Variants in TMEM63B observed in about 807,000 individuals in gnomAD.
TMEM63B encodes mechanosensitive cation channel TMEM63B.
In TMEM63B, 23 loss-of-function variants were observed where a neutral mutation model predicts 102.6. That is an observed-to-expected ratio of 0.22 (90% CI 0.16 to 0.32). The LOEUF is 0.32. TMEM63B is among the 10% of genes least tolerant of loss of function. The pLI, the probability that TMEM63B is intolerant of heterozygous loss-of-function variation, is 1.00. For synonymous variants in TMEM63B, 444 were observed against 437.0 expected, an observed-to-expected ratio of 1.02 and a Z score of -0.20; for missense variants, 628 against 1,095.9, an observed-to-expected ratio of 0.57 and a Z score of 6.03.
upstream of TMEM63B, chr6:44,126,989 C>T (rs560922893): frequency 1.3e-5 from 2 of 152,426 alleles, no homozygotes; most frequent in South Asian, 4.1e-4. Flanking sequence ...AGCGGAGAAG[C>T]CGGAGGAGAC....
rs539108667 is a variant in TMEM63B at position 44,135,385 on chromosome 6, C to T, written c.278+19C>T. 2 of 1,605,646 alleles carry T rather than the reference C, an allele frequency of 1.2e-6. No homozygotes were observed. Among genetic ancestry groups the T allele is most frequent in the Middle Eastern group, 1.7e-4 (1 of 6,046 alleles). Reference sequence around the variant, plus strand: ...AGGAATAGTATGTGGGGCACCAGCCCCCTCATTCCCACTAAACCAGCTTTC... The same window carrying T: ...AGGAATAGTATGTGGGGCACCAGCCTCCTCATTCCCACTAAACCAGCTTTC... On this transcript the variant is annotated intron_variant, in intron 4 of 23. Transcript: ENST00000323267.
chr6:44,128,877 G>C (rs1486718051), intron 1 of TMEM63B, among the ~76,000 whole-genome samples: 2 of 152,232 alleles, frequency 1.3e-5, no homozygotes, highest in African/African-American at 4.8e-5. Flanking sequence ...GGGGCCTGCT[G>C]TTGGCTCACT....
chr6:44,151,791 G>A (rs111427660), intron 18 of TMEM63B, 55 bp from the exon 19 acceptor site: 52 of 1,524,628 alleles, frequency 3.4e-5, no homozygotes, highest in East Asian at 4.6e-5. Flanking sequence ...GGCAGTGGGC[G>A]GGCGGCCACC....
rs374220204 is a variant in TMEM63B, at chr6:44,150,200, C to T, written c.1521-24C>T. 1.5e-4 allele frequency: 241 copies of T among 1,606,228 alleles called. No individual in the cohort carries two copies. The highest frequency in any genetic ancestry group is 1.9e-4 in the Non-Finnish European group (227 of 1,174,078). On this transcript the variant is annotated intron_variant, in intron 16 of 23. Transcript: ENST00000323267. The surrounding 1 kb of genome is among the most constrained non-coding windows in gnomAD (Gnocchi z 4.7). The stretch of plus-strand genomic sequence containing the variant: ...GGGCCTGGGCTCACTTGACCTGTAC[C>T]GTTCCCTGCTCCCCTCCCTCCAGCT...
Position 44,152,559 on chromosome 6 carries a change from C to T in TMEM63B, c.1837-34C>T. 1 of 1,561,246 alleles carries T rather than the reference C, an allele frequency of 6.4e-7. No individual in the cohort carries two copies. Among genetic ancestry groups the T allele is most frequent in the Non-Finnish European group, 8.8e-7 (1 of 1,139,834 alleles). Reference sequence around the variant, plus strand: ...CTGCCCCTCTGGTCAGTCCCTGCCTCCCTGAGCCATCCTCCTGCCCGTCTC... The same window carrying T: ...CTGCCCCTCTGGTCAGTCCCTGCCTTCCTGAGCCATCCTCCTGCCCGTCTC... On this transcript the variant is annotated intron_variant, in intron 19 of 23. Transcript: ENST00000323267. This position sits in a 1 kb window ranked among gnomAD's most constrained non-coding sequence, Gnocchi z 6.4.
chr6:44,155,211 T>G lies in TMEM63B; in HGVS notation c.*328T>G. On this transcript the variant is annotated 3_prime_UTR_variant, in exon 24 of 24. Coordinates refer to ENST00000323267, the MANE Select transcript of TMEM63B (RefSeq NM_018426.3). ...AGCCAAGAGGAGTACCTGGTGCACC[T>G]GGTGCCGGTGGCTGGAGACCTGGGG... The G allele has an allele frequency of 5.9e-6, 1 of 170,746 alleles. No homozygotes were observed. 10.6% of individuals were successfully genotyped at this position (170,746 alleles called of 1,614,324 possible). A position where few individuals can be genotyped will look rare whatever the true frequency, so the allele number is the denominator to read the frequency against.
Position 44,152,871 on chromosome 6 carries a change from G to A in TMEM63B, c.1942+173G>A, listed in dbSNP as rs1302062406. 6.6e-6 allele frequency among the ~76,000 whole-genome samples: 1 copy of A among 152,218 alleles called. No homozygotes were observed. The highest frequency in any genetic ancestry group is 1.5e-5 in the Non-Finnish European group (1 of 68,026). ...TCTGGGGCCTGGCCTGTGGGGAGGA[G>A]GGGGAGAGCCATCAGCTCAGGCCAG... On this transcript the variant is annotated intron_variant, in intron 20 of 23. Transcript: ENST00000323267. This position sits in a 1 kb window ranked among gnomAD's most constrained non-coding sequence, Gnocchi z 6.4.
At chr6:44,127,167 G>GACCCCCCTCCCCGTCGGGAC (rs1777206631), upstream of TMEM63B, 1 of 86,366 alleles carries the variant, frequency 1.2e-5, no homozygotes, top group Non-Finnish European at 2.7e-5. Context: ...TCCCCGTCGG[G>GACCCCCCTCCCCGTCGGGAC]ACCCCCCTCC....
intron 1 of TMEM63B, among the ~76,000 whole-genome samples, chr6:44,129,291 C>G (rs1308702661): frequency 6.6e-6 from 1 of 150,806 alleles, no homozygotes; most frequent in Non-Finnish European, 1.5e-5. Flanking sequence ...TGGCTTAAAC[C>G]TGGGAGGCGG....
chr6:44,154,593 C>T, intron 23 of TMEM63B, 99 bp from the exon 24 acceptor site: 4 of 1,461,824 alleles, frequency 2.7e-6, no homozygotes, highest in Non-Finnish European at 2.8e-6. Context: ...CCCCCGCCCC[C>T]CAGGGCCCTG....
intron 10 of TMEM63B, among the ~76,000 whole-genome samples, chr6:44,146,464 T>TTTTTTTTTTTTTTTTTTTATTTTTTA (rs1159564671): frequency 6.6e-6 from 1 of 151,626 alleles, no homozygotes; most frequent in African/African-American, 2.4e-5. Context: ...TTTGTCTTTT[T>TTTTTTTTTTTTTTTTTTTATTTTTTA]TTTTGAGATG....
At position 44,150,580 on chromosome 6, in the gene TMEM63B, C is replaced by T. The variant is rs779104826; in HGVS notation, c.1624C>T (p.Arg542Cys). Residue 542 changes from arginine (R) to cysteine (C), a missense_variant, in exon 18 of 24, where the codon CGC (arginine) becomes TGC (cysteine). By Grantham distance (180) the Arg-to-Cys change is radical. Transcript: ENST00000323267. The surrounding 1 kb of genome is among the most constrained non-coding windows in gnomAD (Gnocchi z 4.7). Reference sequence around the variant, plus strand: ...TCCCTCCAGCCTGGACCTCTTCTTCCGCTGGCTCTTTGATAAGAAATTCTT... The same window carrying T: ...TCCCTCCAGCCTGGACCTCTTCTTCTGCTGGCTCTTTGATAAGAAATTCTT... ...LGLSSLDLFF[R>C]WLFDKKFLAE... is the part of the protein sequence containing the mutation. The T allele has an allele frequency of 1.2e-6, 2 of 1,614,174 alleles. No homozygotes were observed. The highest frequency in any genetic ancestry group is 1.7e-6 in the Non-Finnish European group (2 of 1,180,020).
chr6:44,138,531 C>G lies in TMEM63B; in HGVS notation c.407+14C>G. 6.2e-7 allele frequency: 1 copy of G among 1,613,988 alleles called. No individual in the cohort carries two copies. Among genetic ancestry groups the G allele is most frequent in the Non-Finnish European group, 8.5e-7 (1 of 1,179,960 alleles). On this transcript the variant is annotated intron_variant, in intron 6 of 23. Transcript: ENST00000323267. ...CTTCAGGATAAAGTAAGTGGACCAT[C>G]TTCAAGCTCTAAAGAAAGAGAGAAA... is the stretch of plus-strand genomic sequence containing the variant.
At chr6:44,132,943 G>C (rs992247890) in intron 1 of TMEM63B, among the ~76,000 whole-genome samples, 1 of 152,172 alleles carries the variant, frequency 6.6e-6, no homozygotes, top group African/African-American at 2.4e-5. Context: ...TTGAGTCCTA[G>C]GTCCCTCATT....
chr6:44,141,753 C>T (rs797006312), intron 10 of TMEM63B, among the ~76,000 whole-genome samples: 5 of 152,320 alleles, frequency 3.3e-5, no homozygotes, highest in African/African-American at 1.2e-4. Flanking sequence ...TACTCTCACA[C>T]AGGCATCTGT....
At chr6:44,130,554 C>G (rs1778070339) in intron 1 of TMEM63B, among the ~76,000 whole-genome samples, 1 of 147,110 alleles carries the variant, frequency 6.8e-6, no homozygotes, top group Middle Eastern at 4.1e-3. Flanking sequence ...ATCTTCGCAC[C>G]TCAGCTTCCG....
At chr6:44,143,553 G>A (rs1441307253) in intron 10 of TMEM63B, among the ~76,000 whole-genome samples, 1 of 143,192 alleles carries the variant, frequency 7.0e-6, no homozygotes. Flanking sequence ...AGCTTGTATT[G>A]AAATCTGGTG....
rs987185380 is a variant in TMEM63B, at chr6:44,152,128, G to C, written c.1836+120G>C. 2 of 1,251,374 alleles carry C rather than the reference G, an allele frequency of 1.6e-6. No homozygotes were observed. Among genetic ancestry groups the C allele is most frequent in the African/African-American group, 3.0e-5 (2 of 65,658 alleles). 77.5% of individuals were successfully genotyped at this position (1,251,374 alleles called of 1,614,324 possible). ...GGGCTGAGACTTGGGGAGTACAGTT[G>C]ACTCACGGTGGATCCGGGCCATCCC... On this transcript the variant is annotated intron_variant, in intron 19 of 23. Transcript: ENST00000323267. This position sits in a 1 kb window ranked among gnomAD's most constrained non-coding sequence, Gnocchi z 6.4.
rs201065300 is a variant in TMEM63B, at chr6:44,148,608, A to C, written c.1217A>C (p.Asn406Thr). The C allele has an allele frequency of 1.7e-4, 276 of 1,614,044 alleles. No individual in the cohort carries two copies. Among genetic ancestry groups the C allele is most frequent in the Non-Finnish European group, 2.1e-4 (251 of 1,180,034 alleles). Residue 406 changes from asparagine (N) to threonine (T), a missense_variant, in exon 14 of 24, where the codon AAC becomes ACC. By Grantham distance (65) the Asn-to-Thr change is moderately conservative (BLOSUM62 0). Around this residue, in one of 6 missense-constraint regions of TMEM63B, gnomAD observed 336 missense variants for 580.3 expected, o/e 0.58. Coordinates refer to ENST00000323267, the MANE Select transcript of TMEM63B (RefSeq NM_018426.3). This position sits in a 1 kb window ranked among gnomAD's most constrained non-coding sequence, Gnocchi z 5.1. Reference sequence around the variant, plus strand: ...TGCAGCGAGTCCCTGCACATCTCCAACTGGACCGTGTCCTATGCCCCTGAC... The same window carrying C: ...TGCAGCGAGTCCCTGCACATCTCCACCTGGACCGTGTCCTATGCCCCTGAC... ...SSCSESLHIS[N>T]WTVSYAPDPQ...
Sources: gnomAD v4.1 joint callset for allele counts (sites outside exome capture counted in the v4.1 genomes callset) on GRCh38, gnomAD v4.1.1 for gene constraint, gnomAD v4.1.1 regional missense constraint, Gnocchi (gnomAD v3.1) non-coding constraint, MANE v1.5 for transcripts, NCBI Gene and HGNC (gene_info 2026-07-23, HGNC 2026-07-21) for gene names.